Variants in RBM47 observed in about 807,000 individuals in gnomAD.
RBM47 encodes the protein RNA-binding protein 47.
RBM47 carries 21 observed loss-of-function variants against 47.1 expected under a neutral mutation model. That is an observed-to-expected ratio of 0.45 (90% CI 0.32 to 0.64). RBM47 has a LOEUF of 0.64. Ranked by LOEUF, RBM47 falls within the 30% of genes least tolerant of loss-of-function variation. The pLI, the probability that RBM47 is intolerant of heterozygous loss-of-function variation, is 0.05. For synonymous variants in RBM47, 375 were observed against 361.7 expected (o/e 1.04, Z -0.42); for missense variants, 708 against 870.9 (o/e 0.81, Z 2.35).
chr4:40,595,092 C>T (rs1489824432), intron 1 of RBM47, among the ~76,000 whole-genome samples: 1 of 152,164 alleles, frequency 6.6e-6, no homozygotes, highest in African/African-American at 2.4e-5. Flanking sequence ...TCAAGCACCC[C>T]GTGTGCTTAA....
chr4:40,507,408 T>A (rs1724260026), intron 2 of RBM47, among the ~76,000 whole-genome samples: 1 of 152,168 alleles, frequency 6.6e-6, no homozygotes, highest in Non-Finnish European at 1.5e-5. Context: ...TAAAAAAAAA[T>A]TCAAAAATTG....
At chr4:40,458,673 C>T (rs73809037) in intron 3 of RBM47, among the ~76,000 whole-genome samples, 4,711 of 152,204 alleles carry the variant, frequency 0.031, 183 homozygotes, top group African/African-American at 0.093. Context: ...TTAAATACAA[C>T]TTTAATCCAG....
In RBM47 at chr4:40,423,666, TTCTTTCTTTC is replaced by T. The variant is rs1560336972; in HGVS notation, c.*2228_*2237del. 1.1e-5 allele frequency: 1 copy of T among 90,784 alleles called. No homozygotes were observed. Among genetic ancestry groups the T allele is most frequent in the Non-Finnish European group, 2.1e-5 (1 of 48,482 alleles). 5.6% of individuals were successfully genotyped at this position (90,784 alleles called of 1,614,324 possible). On this transcript the variant is annotated 3_prime_UTR_variant, in exon 7 of 7. Transcript: ENST00000295971. ...TCTTTCTTTCTTTTTCTTTCTTTCT[TTCTTTCTTTC>T]TTTCTTTCTTTCTTTCTTTCTTTCT...
chr4:40,515,171 A>G (rs1725421287), intron 2 of RBM47, among the ~76,000 whole-genome samples: 1 of 152,208 alleles, frequency 6.6e-6, no homozygotes, highest in Non-Finnish European at 1.5e-5. Context: ...GTTAACAATT[A>G]CAACTGAAGG....
At chr4:40,590,015 C>T (rs1387686753) in intron 1 of RBM47, among the ~76,000 whole-genome samples, 1 of 152,066 alleles carries the variant, frequency 6.6e-6, no homozygotes, top group Non-Finnish European at 1.5e-5. Flanking sequence ...GTTTCCTGAC[C>T]TTCAGGCTCA....
chr4:40,585,655 C>T (rs1046659441), intron 1 of RBM47, among the ~76,000 whole-genome samples: 1 of 152,150 alleles, frequency 6.6e-6, no homozygotes, highest in African/African-American at 2.4e-5. Context: ...CACAACAAAA[C>T]CAAAGCGAAC....
intron 2 of RBM47, among the ~76,000 whole-genome samples, chr4:40,482,367 C>T (rs906218904): frequency 6.6e-6 from 1 of 152,172 alleles, no homozygotes; most frequent in Non-Finnish European, 1.5e-5. Context: ...CATTTTCCCA[C>T]CTCAGCCTCC....
At position 40,510,144 on chromosome 4, in the gene RBM47, G is replaced by A. The variant is rs190911708; in HGVS notation, c.-155+34278C>T. ...GGAGGCTGCAATTAGCCAAGATAGC[G>A]CCATTGCACTCCAGCCTGGGCAACA... is the stretch of plus-strand genomic sequence containing the variant. On this transcript the variant is annotated intron_variant, in intron 2 of 6. Transcript: ENST00000295971. Among the ~76,000 whole-genome samples, 837 of 134,600 alleles carry A rather than the reference G, an allele frequency of 6.2e-3. 6 individuals carry two copies. Among genetic ancestry groups the A allele is most frequent in the African/African-American group, 0.019 (660 of 35,658 alleles). The allele number at this position is 134,600 out of a possible 152,430, so 88.3% of individuals were successfully genotyped here.
intron 2 of RBM47, among the ~76,000 whole-genome samples, chr4:40,517,821 C>A (rs1433214330): frequency 6.6e-6 from 1 of 152,178 alleles, no homozygotes; most frequent in African/African-American, 2.4e-5. Flanking sequence ...CAACTACTTA[C>A]TAGCATTTCC....
At chr4:40,503,245 G>A (rs2154250786) in intron 2 of RBM47, among the ~76,000 whole-genome samples, 1 of 152,338 alleles carries the variant, frequency 6.6e-6, no homozygotes, top group Non-Finnish European at 1.5e-5. Flanking sequence ...TGACAAGGTG[G>A]CCTCAAGGTG....
At chr4:40,619,923 C>A (rs1011109571) in intron 1 of RBM47, among the ~76,000 whole-genome samples, 1 of 152,168 alleles carries the variant, frequency 6.6e-6, no homozygotes, top group African/African-American at 2.4e-5. Context: ...CTAGGCCAAA[C>A]ACGGTGTCTC....
intron 3 of RBM47, among the ~76,000 whole-genome samples, chr4:40,458,743 T>C (rs982433743): frequency 1.2e-4 from 18 of 151,890 alleles, no homozygotes; most frequent in Non-Finnish European, 2.2e-4. Flanking sequence ...TTTCCAGCTC[T>C]GGTGATAATT....
intron 1 of RBM47, among the ~76,000 whole-genome samples, chr4:40,555,521 A>C (rs1729995752): frequency 1.3e-5 from 2 of 152,214 alleles, no homozygotes; most frequent in African/African-American, 4.8e-5. Flanking sequence ...TACGTGCAAC[A>C]TATTATCTTT....
In RBM47 at chr4:40,618,010, G is replaced by A. The variant is rs575211065; in HGVS notation, c.-240+11386C>T. ...AATCCCAGTACTTTGGGAGGCTGAG[G>A]CAAGCTGATTGCTTGAGCCCAGGAG... On this transcript the variant is annotated intron_variant, in intron 1 of 6. Coordinates refer to ENST00000295971, the MANE Select transcript of RBM47 (RefSeq NM_001098634.2). Among the ~76,000 whole-genome samples, 26 of 152,256 alleles carry A rather than the reference G, an allele frequency of 1.7e-4. 1 individual carries two copies. In the East Asian group the frequency reaches 4.4e-3, roughly 26 times the overall value.
intron 2 of RBM47, among the ~76,000 whole-genome samples, chr4:40,495,115 A>G (rs912212437): frequency 3.9e-5 from 6 of 152,004 alleles, no homozygotes; most frequent in African/African-American, 1.2e-4. Context: ...CCCTTAAACT[A>G]TTTTGGATTA....
intron 2 of RBM47, among the ~76,000 whole-genome samples, chr4:40,486,509 T>A (rs1721110037): frequency 6.6e-6 from 1 of 152,238 alleles, no homozygotes; most frequent in Non-Finnish European, 1.5e-5. Context: ...CAAAAATTTT[T>A]AAATTTGGGC....
At chr4:40,535,993 G>A (rs1727943018) in intron 2 of RBM47, among the ~76,000 whole-genome samples, 1 of 152,226 alleles carries the variant, frequency 6.6e-6, no homozygotes, top group Non-Finnish European at 1.5e-5. Flanking sequence ...GAGCCACTGC[G>A]CCCAGCCTCT....
At chr4:40,539,430 A>T (rs755421094) in intron 2 of RBM47, among the ~76,000 whole-genome samples, 9 of 152,058 alleles carry the variant, frequency 5.9e-5, no homozygotes, top group Non-Finnish European at 1.2e-4. Context: ...CATGATGAGG[A>T]GGCCATTTTC....
intron 1 of RBM47, among the ~76,000 whole-genome samples, chr4:40,585,371 C>T (rs1463543855): frequency 6.6e-6 from 1 of 152,020 alleles, no homozygotes; most frequent in African/African-American, 2.4e-5. Flanking sequence ...ATTTCAGAGC[C>T]CCAGAACAAG....
Sources: allele counts gnomAD v4.1 joint callset (sites outside exome capture counted in the v4.1 genomes callset), GRCh38; gene constraint gnomAD v4.1.1; transcripts MANE v1.5; gene names NCBI Gene and HGNC (gene_info 2026-07-23, HGNC 2026-07-21).